MACF1: variants seen among roughly 807,000 people sequenced by gnomAD.
MACF1 encodes microtubule-actin cross-linking factor 1.
A neutral mutation model predicts 854.8 loss-of-function variants in MACF1; 193 were observed. The ratio of observed to expected loss-of-function variants is 0.23; its 90% confidence interval spans 0.20 to 0.25. MACF1 has a LOEUF of 0.25. MACF1 is among the 10% of genes least tolerant of loss of function. The probability of loss-of-function intolerance (pLI) is 1.00; values close to 1 mark genes in which losing one functional copy is unlikely to be tolerated. For missense variants in MACF1, 7,722 were observed against 8,929.1 expected, an observed-to-expected ratio of 0.86 and a Z score of 5.45; for synonymous variants, 3,185 against 3,226.7, an observed-to-expected ratio of 0.99 and a Z score of 0.44.
rs754866926 is a variant in MACF1, at chr1:39,439,418, A to G, written c.18365A>G (p.Lys6122Arg). 2 of 1,614,194 alleles carry G rather than the reference A, an allele frequency of 1.2e-6. No individual in the cohort carries two copies. Residue 6122 changes from lysine to arginine, a missense_variant, in exon 72 of 101, where the codon AAA becomes AGA. Transcript: ENST00000564288. ...ATGGCAGCTCTCCTGACCACCATCA[A>G]AGACACCCAGGATATTGTCCATGAC... ...YDMAALLTTI[K>R]DTQDIVHDLE...
chr1:39,135,713 C>T (rs1023698953), intron 2 of MACF1, among the ~76,000 whole-genome samples: 31 of 152,196 alleles, frequency 2.0e-4, no homozygotes, highest in African/African-American at 7.2e-4. Flanking sequence ...ACCTACTGAA[C>T]CCTATACAGA....
At position 39,125,411 on chromosome 1, in the gene MACF1, G is replaced by A. The variant is rs374451889; in HGVS notation, c.220+40973G>A. Among the ~76,000 whole-genome samples, 7 of 152,212 alleles carry A rather than the reference G, an allele frequency of 4.6e-5. No homozygotes were observed. In the East Asian group the frequency reaches 9.6e-4, roughly 21 times the overall value. ...GGGGAGAATAGTTCTTACCTTGCAG[G>A]GATATTGTGAGGTTTGAATAAGATA... On this transcript the variant is annotated intron_variant, in intron 2 of 93. Transcript: ENST00000361689.
rs192181052 is a variant in MACF1, at chr1:39,280,365, G to A, written c.529-1843G>A. Among the ~76,000 whole-genome samples the A allele has an allele frequency of 3.9e-5, 6 of 152,228 alleles. No homozygotes were observed. The East Asian group carries it at 1.2e-3, about 29-fold the overall frequency. ...AAAGGACTGTGATCAATGATTCTCA[G>A]ATTTGGAAGTTATTTCGTTCACAGC... On this transcript the variant is annotated intron_variant, in intron 6 of 100. Coordinates refer to ENST00000564288, the MANE Select transcript of MACF1 (RefSeq NM_001394062.1).
Position 39,428,031 on chromosome 1 carries a change from C to A in MACF1, c.16547C>A (p.Ser5516Tyr), listed in dbSNP as rs751198906. Residue 5516 changes from serine to tyrosine, a missense_variant, in exon 63 of 101, where the codon TCC (serine) becomes TAC (tyrosine). Ser to Tyr is a moderately radical substitution (Grantham distance 144). Coordinates refer to ENST00000564288, the MANE Select transcript of MACF1 (RefSeq NM_001394062.1). ...GCAGTCAAAATTGGGCAGTCCCTCTCCTCCCTGACATCTCCTGCAGAACAG... is the reference window on the plus strand; with the variant it reads ...GCAGTCAAAATTGGGCAGTCCCTCTACTCCCTGACATCTCCTGCAGAACAG... The part of the protein sequence containing the change: ...HQAVKIGQSL[S>Y]SLTSPAEQGV... 10 of 1,614,094 alleles carry A rather than the reference C, an allele frequency of 6.2e-6. No individual in the cohort carries two copies. The East Asian group carries it at 2.2e-4, about 36-fold the overall frequency.
chr1:39,169,571 A>T (rs1372836938), intron 2 of MACF1, among the ~76,000 whole-genome samples: 1 of 150,906 alleles, frequency 6.6e-6, no homozygotes, highest in Non-Finnish European at 1.5e-5. Flanking sequence ...CTGTCACTGC[A>T]CTGTAGCTTG....
rs367548192 is a variant in MACF1 at position 39,333,016 on chromosome 1, C to T, written c.6428C>T (p.Pro2143Leu). The change falls in exon 37 of 101, where the codon CCG becomes CTG. Residue 2143 changes from proline (P) to leucine (L), a missense_variant. Physicochemically the swap from Pro to Leu is moderately conservative, Grantham distance 98. Coordinates refer to ENST00000564288, the MANE Select transcript of MACF1 (RefSeq NM_001394062.1). ...CCTCCTGCTGAGGCGGAAGGTGTGC[C>T]GTTGGTGGTTGACAAAGATGTTTTT... ...TIPPAEAEGV[P>L]LVVDKDVFSV... 9 of 1,613,854 alleles carry T rather than the reference C, an allele frequency of 5.6e-6. No individual in the cohort carries two copies. The highest frequency in any genetic ancestry group is 1.3e-5 in the African/African-American group (1 of 74,876).
intron 97 of MACF1, 55 bp downstream of exon 97, chr1:39,469,670 T>C: frequency 2.2e-6 from 3 of 1,372,356 alleles, no homozygotes; most frequent in Non-Finnish European, 3.0e-6. Flanking sequence ...TGAGAATGGC[T>C]TTGCTTCTTA....
chr1:39,169,920 C>T (rs530387982), intron 2 of MACF1, among the ~76,000 whole-genome samples: 26 of 151,800 alleles, frequency 1.7e-4, no homozygotes, highest in African/African-American at 6.3e-4. Flanking sequence ...ACTACAGGCA[C>T]CTGCCACCAT....
chr1:39,357,661 A>G lies in MACF1; in HGVS notation c.11711A>G (p.His3904Arg). 3 of 1,614,202 alleles carry G rather than the reference A, an allele frequency of 1.9e-6. No individual in the cohort carries two copies. Among genetic ancestry groups the G allele is most frequent in the South Asian group, 1.1e-5 (1 of 91,084 alleles). Residue 3904 changes from histidine (H) to arginine (R), a missense_variant, in exon 45 of 101, where the codon CAT (histidine) becomes CGT (arginine). By Grantham distance (29) the His-to-Arg change is conservative (BLOSUM62 0). Coordinates refer to ENST00000564288, the MANE Select transcript of MACF1 (RefSeq NM_001394062.1). ...ERSEKELENM[H>R]KGGSSPETLP... ...TCCGAGAAAGAGCTGGAGAACATGCATAAGGGAGGCAGCAGCCCCGAGACC... is the reference window on the plus strand; with the variant it reads ...TCCGAGAAAGAGCTGGAGAACATGCGTAAGGGAGGCAGCAGCCCCGAGACC...
intron 62 of MACF1, 34 bp downstream of exon 62, chr1:39,427,648 A>G: frequency 6.3e-7 from 1 of 1,592,346 alleles, no homozygotes; most frequent in South Asian, 1.1e-5. Context: ...AAAATAGAAA[A>G]CTGGAATTAG....
intron 2 of MACF1, among the ~76,000 whole-genome samples, chr1:39,233,865 T>C (rs1333974373): frequency 7.8e-6 from 1 of 128,778 alleles, no homozygotes; most frequent in African/African-American, 2.8e-5. Context: ...CATAGGACAA[T>C]AGTGGAGGGA....
Position 39,135,910 on chromosome 1 carries a change from T to G in MACF1, c.220+51472T>G, listed in dbSNP as rs1050747616. Among the ~76,000 whole-genome samples the G allele has an allele frequency of 6.6e-5, 10 of 152,204 alleles. No homozygotes were observed. In the South Asian group the frequency reaches 8.3e-4, roughly 13 times the overall value. On this transcript the variant is annotated intron_variant, in intron 2 of 93. Transcript: ENST00000361689. ...AGACTCTTGGATTGTTTTGCAGAGG[T>G]CGAAGGCTGAGAGAGAATTGCTATA...
At position 39,331,264 on chromosome 1, in the gene MACF1, A is replaced by G. The variant is rs1252170766; in HGVS notation, c.4676A>G (p.Lys1559Arg). Residue 1559 changes from lysine to arginine, a missense_variant, in exon 37 of 101, where the codon AAA becomes AGA. Around this residue, in one of 15 missense-constraint regions of MACF1, gnomAD observed 1,531 missense variants for 1,601.6 expected, o/e 0.96. Coordinates refer to ENST00000564288, the MANE Select transcript of MACF1 (RefSeq NM_001394062.1). The stretch of plus-strand genomic sequence containing the variant: ...ACAGTGGAGATATTTCCCATCTTCA[A>G]AGCCATGCAAAAGGGCCTCCTTGAC... ...LGTVEIFPIF[K>R]AMQKGLLDQD... 5.6e-6 allele frequency: 9 copies of G among 1,611,984 alleles called. No individual in the cohort carries two copies. Among genetic ancestry groups the G allele is most frequent in the Admixed American group, 1.7e-5 (1 of 59,798 alleles).
At chr1:39,234,299 G>A (rs1644824940) in intron 2 of MACF1, among the ~76,000 whole-genome samples, 1 of 151,990 alleles carries the variant, frequency 6.6e-6, no homozygotes, top group Non-Finnish European at 1.5e-5. Context: ...TCAATGAGCT[G>A]TTGGGCACAC....
chr1:39,396,272 A>G (rs556441210), intron 58 of MACF1, among the ~76,000 whole-genome samples: 157 of 151,122 alleles, frequency 1.0e-3, no homozygotes, highest in African/African-American at 3.8e-3. Flanking sequence ...GTGAGCCGAC[A>G]TCGCGCCACT....
intron 6 of MACF1, among the ~76,000 whole-genome samples, chr1:39,268,310 T>A (rs1645260468): frequency 6.6e-6 from 1 of 152,176 alleles, no homozygotes; most frequent in Non-Finnish European, 1.5e-5. Context: ...TGGCCCTCCC[T>A]AGTTTTTCCC....
chr1:39,230,257 G>C (rs1380001745), intron 1 of MACF1, among the ~76,000 whole-genome samples: 4 of 152,192 alleles, frequency 2.6e-5, no homozygotes, highest in Non-Finnish European at 4.4e-5. Flanking sequence ...GAGCCAAGTA[G>C]GCACAGATGC....
At chr1:39,379,679 GA>G (rs1316917962) in intron 54 of MACF1, among the ~76,000 whole-genome samples, 2 of 152,212 alleles carry the variant, frequency 1.3e-5, no homozygotes, top group Non-Finnish European at 2.9e-5. Context: ...TATGTTTGCA[GA>G]AAAAGAATAG....
intron 72 of MACF1, 103 bp from the exon 73 acceptor site, chr1:39,440,900 T>C (rs1243566782): frequency 2.7e-6 from 3 of 1,130,714 alleles, no homozygotes; most frequent in Admixed American, 3.9e-5. Flanking sequence ...CTGACAGTTA[T>C]GTTGAGCATC....
Sources: gnomAD v4.1 joint callset for allele counts (sites outside exome capture counted in the v4.1 genomes callset) on GRCh38, gnomAD v4.1.1 for gene constraint, gnomAD v4.1.1 regional missense constraint, MANE v1.5 for transcripts, NCBI Gene and HGNC (gene_info 2026-07-23, HGNC 2026-07-21) for gene names.